The following HIVEP3 variants were observed in gnomAD, a reference collection of about 807,000 sequenced individuals.
The protein encoded by HIVEP3 is HIVEP zinc finger 3, also known as transcription factor HIVEP3.
In HIVEP3, 49 loss-of-function variants were observed where a neutral mutation model predicts 152.8. That is an observed-to-expected ratio of 0.32 (90% CI 0.26 to 0.41). HIVEP3 has a LOEUF of 0.41. Among genes scored for constraint, HIVEP3 ranks in the 10% least tolerant of loss-of-function variants. HIVEP3 has a pLI of 1.00. For synonymous variants in HIVEP3, 1,269 were observed against 1,289.0 expected, an observed-to-expected ratio of 0.98 and a Z score of 0.33; for missense variants, 2,790 against 3,103.3, an observed-to-expected ratio of 0.90 and a Z score of 2.40.
At chr1:41,642,898 G>A (rs1645396796) in intron 2 of HIVEP3, among the ~76,000 whole-genome samples, 1 of 152,118 alleles carries the variant, frequency 6.6e-6, no homozygotes, top group African/African-American at 2.4e-5. Context: ...CAGACTCTGA[G>A]TCTCAGCATG....
chr1:41,908,371 A>C (rs1318549170), intron 1 of HIVEP3, among the ~76,000 whole-genome samples: 1 of 152,188 alleles, frequency 6.6e-6, no homozygotes, highest in Non-Finnish European at 1.5e-5. Flanking sequence ...ATTCACTTCT[A>C]GTAAGACTCT....
intron 1 of HIVEP3, among the ~76,000 whole-genome samples, chr1:41,927,536 G>A (rs1489528004): frequency 6.6e-6 from 1 of 152,144 alleles, no homozygotes; most frequent in Non-Finnish European, 1.5e-5. Flanking sequence ...ATCAAATAAC[G>A]TAAGTGTGCA....
intron 5 of HIVEP3, among the ~76,000 whole-genome samples, chr1:41,539,780 T>A (rs1250551515): frequency 6.6e-6 from 1 of 152,246 alleles, no homozygotes; most frequent in Non-Finnish European, 1.5e-5. Flanking sequence ...TTCTTCTCAT[T>A]ATTATTTTTG....
At chr1:41,544,638 A>G (rs1028810414) in intron 5 of HIVEP3, among the ~76,000 whole-genome samples, 8 of 149,694 alleles carry the variant, frequency 5.3e-5, no homozygotes, top group Non-Finnish European at 8.9e-5. Context: ...CGCTACTACC[A>G]TCACCACCAC....
chr1:41,807,059 C>A (rs950110279), intron 1 of HIVEP3, among the ~76,000 whole-genome samples: 1 of 152,168 alleles, frequency 6.6e-6, no homozygotes, highest in Non-Finnish European at 1.5e-5. Flanking sequence ...CTACTCTCTG[C>A]CCCCGCTACT....
In HIVEP3 at chr1:41,636,392, T is replaced by A. The variant is rs116258261; in HGVS notation, c.-720-7445A>T. On this transcript the variant is annotated intron_variant, in intron 2 of 8. Transcript: ENST00000372583. ...GAACTATTAAAATATTTCTATACTT[T>A]AGTGTTGGAAAATAACTTTCAAAGC... 2.6e-3 allele frequency among the ~76,000 whole-genome samples: 391 copies of A among 152,320 alleles called. 1 individual carries two copies. The highest frequency in any genetic ancestry group is 4.1e-3 in the Non-Finnish European group (282 of 68,026).
chr1:41,950,309 G>A (rs1442688307), intron 1 of HIVEP3, among the ~76,000 whole-genome samples: 1 of 151,612 alleles, frequency 6.6e-6, no homozygotes, highest in Non-Finnish European at 1.5e-5. Flanking sequence ...TCTTGCAACT[G>A]CAAAACAAAA....
At chr1:41,858,551 T>C (rs771983365) in intron 1 of HIVEP3, among the ~76,000 whole-genome samples, 3 of 152,190 alleles carry the variant, frequency 2.0e-5, no homozygotes, top group African/African-American at 7.2e-5. Context: ...GTGCTCATCA[T>C]CCCTCATTTA....
chr1:41,962,103 C>T (rs1645172795), intron 1 of HIVEP3, among the ~76,000 whole-genome samples: 1 of 152,178 alleles, frequency 6.6e-6, no homozygotes, highest in Admixed American at 6.5e-5. Context: ...CTAAGCAGTA[C>T]ATTAGGGTTA....
At chr1:41,717,205 T>C (rs1646607988) in intron 1 of HIVEP3, among the ~76,000 whole-genome samples, 1 of 151,522 alleles carries the variant, frequency 6.6e-6, no homozygotes, top group Non-Finnish European at 1.5e-5. Context: ...GACCAGAACT[T>C]GGGCAGGGGA....
chr1:41,861,219 T>G (rs978076417), intron 1 of HIVEP3, among the ~76,000 whole-genome samples: 1 of 152,192 alleles, frequency 6.6e-6, no homozygotes, highest in African/African-American at 2.4e-5. Flanking sequence ...CAAAGTCACT[T>G]TGTAGCTTGC....
intron 1 of HIVEP3, among the ~76,000 whole-genome samples, chr1:41,734,223 C>T (rs1463730538): frequency 6.6e-6 from 1 of 152,206 alleles, no homozygotes; most frequent in Non-Finnish European, 1.5e-5. Context: ...GCTTCAGAGC[C>T]CCCTGCATCT....
chr1:41,689,429 T>C (rs2124105755), intron 2 of HIVEP3, among the ~76,000 whole-genome samples: 1 of 152,316 alleles, frequency 6.6e-6, no homozygotes, highest in East Asian at 1.9e-4. Flanking sequence ...AGTCTGTGCT[T>C]TCTGGGATCC....
intron 1 of HIVEP3, among the ~76,000 whole-genome samples, chr1:41,964,557 T>C (rs1313723623): frequency 6.6e-6 from 1 of 152,184 alleles, no homozygotes; most frequent in Admixed American, 6.5e-5. Context: ...GCCATCACTG[T>C]GGCTTTAGAC....
At chr1:41,827,272 T>C (rs1642832175) in intron 1 of HIVEP3, among the ~76,000 whole-genome samples, 1 of 152,248 alleles carries the variant, frequency 6.6e-6, no homozygotes, top group African/African-American at 2.4e-5. Context: ...ACCTTATTGA[T>C]ATCCTTCTGG....
intron 3 of HIVEP3, among the ~76,000 whole-genome samples, chr1:41,605,406 C>CAT (rs61485054): frequency 7.0e-6 from 1 of 143,328 alleles, no homozygotes; most frequent in Non-Finnish European, 1.5e-5. Context: ...CACACACACA[C>CAT]ATACATATGT....
At chr1:41,669,177 G>A (rs187845556) in intron 2 of HIVEP3, among the ~76,000 whole-genome samples, 6 of 152,158 alleles carry the variant, frequency 3.9e-5, no homozygotes, top group South Asian at 2.1e-4. Context: ...TCCCAGCAAG[G>A]GTCCTGGGCA....
chr1:41,566,804 G>T (rs971160128), intron 5 of HIVEP3, among the ~76,000 whole-genome samples: 3 of 152,086 alleles, frequency 2.0e-5, no homozygotes, highest in African/African-American at 7.2e-5. Flanking sequence ...CTGCTTCTCT[G>T]GCGATTCCTC....
chr1:41,722,102 C>T (rs1346516074), intron 1 of HIVEP3, among the ~76,000 whole-genome samples: 1 of 152,210 alleles, frequency 6.6e-6, no homozygotes, highest in East Asian at 1.9e-4. Context: ...GGATCTCTAC[C>T]TCCCCACCTG....
Sources: allele counts gnomAD v4.1 joint callset (sites outside exome capture counted in the v4.1 genomes callset), GRCh38; gene constraint gnomAD v4.1.1; transcripts MANE v1.5; gene names NCBI Gene and HGNC (gene_info 2026-07-23, HGNC 2026-07-21).